Variants in AGBL3 observed in about 807,000 individuals in gnomAD.
The protein encoded by AGBL3 is cytosolic carboxypeptidase 3.
A neutral mutation model predicts 94.5 loss-of-function variants in AGBL3; 68 were observed. That is an observed-to-expected ratio of 0.72 (90% CI 0.59 to 0.88). The LOEUF (loss-of-function observed/expected upper bound fraction) is 0.88, where lower values mean the gene tolerates loss of function less well. Among genes scored for constraint, AGBL3 ranks in the 40% least tolerant of loss-of-function variants. The pLI is 0.00. For missense variants in AGBL3, 934 were observed against 1,103.8 expected (o/e 0.85, Z 2.18); for synonymous variants, 354 against 370.7 (o/e 0.95, Z 0.52).
intron 8 of AGBL3, among the ~76,000 whole-genome samples, chr7:135,038,851 C>G (rs1816558165): frequency 6.6e-6 from 1 of 151,910 alleles, no homozygotes; most frequent in African/African-American, 2.4e-5. Context: ...CCCAGCTACT[C>G]AGGAGGCTGA....
At chr7:135,106,402 TA>T (rs1227607645) in intron 15 of AGBL3, among the ~76,000 whole-genome samples, 1 of 152,196 alleles carries the variant, frequency 6.6e-6, no homozygotes, top group Non-Finnish European at 1.5e-5. Flanking sequence ...AATACTAGTT[TA>T]TTGAGAGTTT....
chr7:135,045,580 C>T lies in AGBL3; in HGVS notation c.1728+6C>T. 1 of 1,548,298 alleles carries T rather than the reference C, an allele frequency of 6.5e-7. No homozygotes were observed. Among genetic ancestry groups the T allele is most frequent in the Non-Finnish European group, 8.7e-7 (1 of 1,144,166 alleles). ...GTGATCCCGACCGGACCAAGGTAAG[C>T]AAAGTCCATTTGGTAATGCATCAGA... On this transcript the variant is annotated splice_donor_region_variant and intron_variant, in intron 10 of 16. Transcript: ENST00000436302.
chr7:134,991,114 T>A (rs984922123), intron 3 of AGBL3, among the ~76,000 whole-genome samples: 2 of 151,106 alleles, frequency 1.3e-5, no homozygotes, highest in Non-Finnish European at 2.9e-5. Context: ...AAGTCCTGTT[T>A]AGTTCTCTTA....
intron 4 of AGBL3, 86 bp from the exon 5 acceptor site, chr7:135,016,966 T>C (rs2133488782): frequency 3.5e-6 from 3 of 859,286 alleles, no homozygotes; most frequent in Admixed American, 4.3e-5. Context: ...CCTAGATCTA[T>C]CAATGAATAA....
Position 134,987,993 on chromosome 7 carries a change from ATCGGTATGTT to A in AGBL3, c.62_63+8del. 6.5e-7 allele frequency: 1 copy of A among 1,540,610 alleles called. No individual in the cohort carries two copies. Among genetic ancestry groups the A allele is most frequent in the Non-Finnish European group, 8.8e-7 (1 of 1,142,136 alleles). On this transcript the variant is annotated splice_donor_variant and splice_donor_5th_base_variant and coding_sequence_variant and intron_variant, in exon 2 of 17. Coordinates refer to ENST00000436302, the MANE Select transcript of AGBL3 (RefSeq NM_178563.4). LOFTEE classifies it high-confidence loss of function. ...ACAGAACAATCAGTGATGAAGATGA[ATCGGTATGTT>A]TTTCTCAACTTTATTTTACTTGGAG...
chr7:135,089,161 A>G (rs1048337379), intron 15 of AGBL3, among the ~76,000 whole-genome samples: 2 of 151,210 alleles, frequency 1.3e-5, no homozygotes, highest in African/African-American at 4.9e-5. Flanking sequence ...AAAGCTCTTT[A>G]TTGTAATTTT....
At chr7:135,104,410 G>A (rs1824333533) in intron 15 of AGBL3, among the ~76,000 whole-genome samples, 1 of 152,074 alleles carries the variant, frequency 6.6e-6, no homozygotes, top group South Asian at 2.1e-4. Flanking sequence ...GTATTTTTAT[G>A]ATAAAATGAT....
At chr7:135,016,589 G>A (rs1813835634) in intron 4 of AGBL3, among the ~76,000 whole-genome samples, 1 of 152,176 alleles carries the variant, frequency 6.6e-6, no homozygotes, top group South Asian at 2.1e-4. Context: ...TAAAGGAGAA[G>A]TGGCAGGGGT....
rs764050909 is a variant in AGBL3, at chr7:135,034,131, T to G, written c.558-18T>G. 5.7e-6 allele frequency: 8 copies of G among 1,393,018 alleles called. No homozygotes were observed. The highest frequency in any genetic ancestry group is 7.5e-6 in the Non-Finnish European group (8 of 1,065,390). The allele number at this position is 1,393,018 out of a possible 1,614,324, so 86.3% of individuals were successfully genotyped here. Reference sequence around the variant, plus strand: ...TACATTCTTACGTGCTTTTTTCCCTTTCTTTCTTGTGTATTAGGGCAGAAT... The same window carrying G: ...TACATTCTTACGTGCTTTTTTCCCTGTCTTTCTTGTGTATTAGGGCAGAAT... On this transcript the variant is annotated intron_variant, in intron 6 of 16. Transcript: ENST00000436302.
At chr7:135,113,533 T>C (rs1344225215) in intron 15 of AGBL3, among the ~76,000 whole-genome samples, 3 of 152,238 alleles carry the variant, frequency 2.0e-5, no homozygotes, top group African/African-American at 7.2e-5. Context: ...CTTTCTCTTA[T>C]GCTGTCTACG....
Position 135,034,572 on chromosome 7 carries a change from T to C in AGBL3, c.981T>C (p.Val327=). The stretch of plus-strand genomic sequence containing the variant: ...GGTCAAAGTTTTGTAAAATACGTGT[T>C]TTGTGCCACACGCTTGCTAGGAACA... ...PVRSKFCKIR[V]LCHTLARNMV... The change falls in exon 7 of 17, where the codon GTT becomes GTC. Residue 327 remains valine, a synonymous_variant. Transcript: ENST00000436302. The C allele has an allele frequency of 1.9e-6, 3 of 1,551,824 alleles. No individual in the cohort carries two copies. The highest frequency in any genetic ancestry group is 1.7e-6 in the Non-Finnish European group (2 of 1,146,994).
At chr7:135,066,385 C>T (rs1819304457) in intron 12 of AGBL3, among the ~76,000 whole-genome samples, 1 of 152,184 alleles carries the variant, frequency 6.6e-6, no homozygotes, top group South Asian at 2.1e-4. Context: ...AGTTGTTCAA[C>T]ATCACTAATC....
intron 4 of AGBL3, chr7:135,012,422 T>A (rs1813274424): frequency 6.6e-6 from 1 of 152,132 alleles, no homozygotes; most frequent in African/African-American, 2.4e-5. Flanking sequence ...TTGGCCTATG[T>A]GGTGTTTGCT....
At chr7:135,000,525 A>G (rs1217690385) in intron 4 of AGBL3, among the ~76,000 whole-genome samples, 2 of 152,144 alleles carry the variant, frequency 1.3e-5, no homozygotes, top group African/African-American at 4.8e-5. Context: ...ACTGGATTAC[A>G]CCACCAGCTT....
At chr7:135,128,528 G>A (rs1828274585) in intron 16 of AGBL3, 3 of 764,010 alleles carry the variant, frequency 3.9e-6, no homozygotes, top group Admixed American at 3.4e-5. Context: ...AAAGCAGTCT[G>A]TCCAAGGTGG....
At chr7:135,021,178 T>C (rs1814399388) in intron 5 of AGBL3, among the ~76,000 whole-genome samples, 1 of 152,216 alleles carries the variant, frequency 6.6e-6, no homozygotes, top group Non-Finnish European at 1.5e-5. Context: ...GATGTATTGA[T>C]AGTTATGCCA....
chr7:134,989,278 G>T lies in AGBL3; in HGVS notation c.92G>T (p.Ser31Ile), dbSNP rs771229121. 9 of 1,547,928 alleles carry T rather than the reference G, an allele frequency of 5.8e-6. No individual in the cohort carries two copies. Among genetic ancestry groups the T allele is most frequent in the Non-Finnish European group, 7.9e-6 (9 of 1,145,278 alleles). The change falls in exon 3 of 17, where the codon AGT becomes ATT. Residue 31 changes from serine (S) to isoleucine (I), a missense_variant. Transcript: ENST00000436302. ...GAGGATATGTTCATGAAATTTGTAA[G>T]TGAAGATCTTCATCGGTGTGCACTT... ...SDEDMFMKFVSEDLHRCALLT... is the reference protein window; with the variant it reads ...SDEDMFMKFVIEDLHRCALLT...
intron 7 of AGBL3, 133 bp downstream of exon 7, chr7:135,035,061 C>G: frequency 1.2e-6 from 1 of 808,914 alleles, no homozygotes; most frequent in Admixed American, 3.6e-5. Flanking sequence ...TTTATTTTTT[C>G]CCCGTTATTC....
Position 135,034,500 on chromosome 7 carries a change from C to T in AGBL3, c.909C>T (p.Tyr303=). 2 of 1,551,912 alleles carry T rather than the reference C, an allele frequency of 1.3e-6. No individual in the cohort carries two copies. The highest frequency in any genetic ancestry group is 1.7e-4 in the Middle Eastern group (1 of 5,994). The change falls in exon 7 of 17, where the codon TAC becomes TAT. Residue 303 remains tyrosine (Y), a synonymous_variant. Transcript: ENST00000436302. ...CYFAHCYPYT[Y]TNLQEYLSGI... ...TTGCTCATTGCTATCCATACACTTA[C>T]ACCAACCTGCAAGAATACCTTTCTG...
Sources: gnomAD v4.1 joint callset for allele counts (sites outside exome capture counted in the v4.1 genomes callset) on GRCh38, gnomAD v4.1.1 for gene constraint, MANE v1.5 for transcripts, NCBI Gene and HGNC (gene_info 2026-07-23, HGNC 2026-07-21) for gene names.